PIAS2: variants seen among roughly 807,000 people sequenced by gnomAD.
PIAS2 encodes the protein protein inhibitor of activated STAT 2, also known as E3 SUMO-protein ligase PIAS2.
In PIAS2, 19 loss-of-function variants were observed where a neutral mutation model predicts 69.7. The observed-to-expected ratio is 0.27, with a 90% CI of 0.19 to 0.40. PIAS2 has a LOEUF of 0.40. PIAS2 is among the 10% of genes least tolerant of loss of function. The pLI is 1.00. For missense variants in PIAS2, 624 were observed against 757.0 expected (o/e 0.82, Z 2.06); for synonymous variants, 261 against 263.2 (o/e 0.99, Z 0.08).
At chr18:46,815,080 T>C (rs2041368110) in intron 13 of PIAS2, among the ~76,000 whole-genome samples, 1 of 152,182 alleles carries the variant, frequency 6.6e-6, no homozygotes, top group Admixed American at 6.5e-5. Flanking sequence ...GCCAACTGAT[T>C]AAGCTAAATA....
intron 5 of PIAS2, among the ~76,000 whole-genome samples, chr18:46,850,548 T>A (rs1057506592): frequency 7.9e-5 from 12 of 152,176 alleles, no homozygotes; most frequent in African/African-American, 2.4e-4. Flanking sequence ...ATAAGCTTGA[T>A]TAAACTTGGG....
At chr18:46,860,682 G>A (rs902919546) in intron 3 of PIAS2, among the ~76,000 whole-genome samples, 1 of 152,138 alleles carries the variant, frequency 6.6e-6, no homozygotes, top group African/African-American at 2.4e-5. Flanking sequence ...GAATAAACGG[G>A]CTGGGAATGC....
At chr18:46,917,188 G>T in intron 1 of PIAS2, 134 bp downstream of exon 1, 1 of 1,185,492 alleles carries the variant, frequency 8.4e-7, no homozygotes, top group Non-Finnish European at 1.1e-6. Context: ...GCGCCCGTTC[G>T]TCCGCGGGCC....
intron 2 of PIAS2, among the ~76,000 whole-genome samples, chr18:46,865,222 A>C (rs1017148821): frequency 7.9e-5 from 12 of 152,142 alleles, no homozygotes; most frequent in African/African-American, 2.9e-4. Flanking sequence ...TTTGCTTCCT[A>C]ACAATTGCAA....
In PIAS2 at chr18:46,893,073, T is replaced by C. The variant is rs1390625423; in HGVS notation, c.25-2019A>G. On this transcript the variant is annotated intron_variant, in intron 1 of 13. Coordinates refer to ENST00000585916, the MANE Select transcript of PIAS2 (RefSeq NM_004671.5). ...AATAGAACACATACCACAATGTGTG[T>C]TACCTCTACAGTGCAGACAACAAAG... 2.6e-5 allele frequency among the ~76,000 whole-genome samples: 4 copies of C among 152,084 alleles called. 1 individual carries two copies. The highest frequency in any genetic ancestry group is 4.1e-4 in the South Asian group (2 of 4,826).
intron 8 of PIAS2, among the ~76,000 whole-genome samples, chr18:46,841,727 G>A (rs1402553429): frequency 2.0e-5 from 3 of 152,134 alleles, no homozygotes; most frequent in Non-Finnish European, 2.9e-5. Flanking sequence ...ACAGTCTCAC[G>A]AATAGACCTG....
chr18:46,827,914 T>TAGTTGCAAGG, intron 11 of PIAS2, 45 bp downstream of exon 11: 1 of 1,507,708 alleles, frequency 6.6e-7, no homozygotes, highest in East Asian at 2.3e-5. Flanking sequence ...CAAGAGCAAT[T>TAGTTGCAAGG]AGTTGCAAGG....
intron 1 of PIAS2, chr18:46,905,782 T>C (rs143355610): frequency 2.0e-5 from 3 of 152,260 alleles, no homozygotes; most frequent in Admixed American, 6.5e-5. Flanking sequence ...ACCAAAGCAA[T>C]TGAAGCATTC....
At chr18:46,883,393 G>A (rs1338986889) in intron 2 of PIAS2, among the ~76,000 whole-genome samples, 1 of 152,070 alleles carries the variant, frequency 6.6e-6, no homozygotes, top group East Asian at 1.9e-4. Context: ...AGTCACAGAA[G>A]AATACATATA....
chr18:46,875,472 G>A (rs368325377), intron 2 of PIAS2, among the ~76,000 whole-genome samples: 3 of 152,116 alleles, frequency 2.0e-5, no homozygotes, highest in East Asian at 1.9e-4. Context: ...CTCCATATTC[G>A]AATGGTATGG....
At chr18:46,874,302 T>G (rs548103803) in intron 2 of PIAS2, among the ~76,000 whole-genome samples, 1 of 152,204 alleles carries the variant, frequency 6.6e-6, no homozygotes, top group Admixed American at 6.5e-5. Context: ...CCTTCCTCAC[T>G]GGGTAGAAGT....
intron 2 of PIAS2, among the ~76,000 whole-genome samples, chr18:46,876,263 C>T (rs1167384203): frequency 2.0e-5 from 3 of 152,148 alleles, no homozygotes; most frequent in African/African-American, 7.2e-5. Context: ...CCTCATGGGT[C>T]CTTTGACCCT....
intron 5 of PIAS2, chr18:46,852,764 T>C (rs1267429895): frequency 6.6e-6 from 1 of 152,290 alleles, no homozygotes; most frequent in Admixed American, 6.5e-5. Flanking sequence ...GTAACGTCTA[T>C]GTTTACACAT....
chr18:46,899,031 T>A (rs1485021938), intron 1 of PIAS2, among the ~76,000 whole-genome samples: 3 of 150,552 alleles, frequency 2.0e-5, no homozygotes, highest in East Asian at 1.9e-4. Flanking sequence ...TTAAACAGAC[T>A]GTATCATGCA....
intron 1 of PIAS2, 76 bp downstream of exon 1, chr18:46,917,246 G>A (rs1169743825): frequency 2.1e-6 from 3 of 1,418,726 alleles, no homozygotes; most frequent in African/African-American, 1.5e-5. Context: ...AGCAGGCGGC[G>A]GCCGGCGACG....
rs562399553 is a variant in PIAS2, at chr18:46,809,380, C to G, written c.*3053G>C. 6.6e-6 allele frequency: 1 copy of G among 152,296 alleles called. No individual in the cohort carries two copies. The highest frequency in any genetic ancestry group is 1.9e-4 in the East Asian group (1 of 5,182). 9.4% of individuals were successfully genotyped at this position (152,296 alleles called of 1,614,324 possible). A position where few individuals can be genotyped will look rare whatever the true frequency, so the allele number is the denominator to read the frequency against. ...GTGACAACAGACCTCAGGCACGAAA[C>G]TATTTTCAGCACCAATTACACTGTG... On this transcript the variant is annotated 3_prime_UTR_variant, in exon 14 of 14. Transcript: ENST00000585916.
At chr18:46,898,143 C>CT (rs1337270038) in intron 1 of PIAS2, among the ~76,000 whole-genome samples, 1 of 152,056 alleles carries the variant, frequency 6.6e-6, no homozygotes, top group Non-Finnish European at 1.5e-5. Context: ...GTGTGAGCTA[C>CT]TACACCAAGG....
upstream of PIAS2, chr18:46,917,537 G>C: frequency 8.8e-7 from 1 of 1,142,306 alleles, no homozygotes; most frequent in Non-Finnish European, 1.1e-6. Flanking sequence ...CCTCCGACGC[G>C]CCGAAGCCCC....
intron 3 of PIAS2, among the ~76,000 whole-genome samples, chr18:46,855,992 CTTTTGTTT>C (rs1372369457): frequency 2.9e-5 from 2 of 69,150 alleles, no homozygotes; most frequent in African/African-American, 5.6e-5. Flanking sequence ...TTTTCTTTTT[CTTTTGTTT>C]TTTTTTTTTT....
Sources: gnomAD v4.1 joint callset for allele counts (sites outside exome capture counted in the v4.1 genomes callset) on GRCh38, gnomAD v4.1.1 for gene constraint, MANE v1.5 for transcripts, NCBI Gene and HGNC (gene_info 2026-07-23, HGNC 2026-07-21) for gene names.